HERC1: variants seen among roughly 807,000 people sequenced by gnomAD.
HERC1 encodes probable E3 ubiquitin-protein ligase HERC1.
HERC1 carries 160 observed loss-of-function variants against 554.3 expected under a neutral mutation model. That is an observed-to-expected ratio of 0.29 (90% CI 0.25 to 0.33). HERC1 has a LOEUF of 0.33. Among genes scored for constraint, HERC1 ranks in the 10% least tolerant of loss-of-function variants. The probability of loss-of-function intolerance (pLI) is 1.00; values close to 1 mark genes in which losing one functional copy is unlikely to be tolerated. For synonymous variants in HERC1, 2,175 were observed against 2,131.7 expected (o/e 1.02, Z -0.56); for missense variants, 4,919 against 5,918.5 (o/e 0.83, Z 5.54).
At chr15:63,631,750 AG>A (rs2152805101) in intron 68 of HERC1, among the ~76,000 whole-genome samples, 1 of 152,298 alleles carries the variant, frequency 6.6e-6, no homozygotes, top group East Asian at 1.9e-4. Context: ...CATGTTGGCC[AG>A]GCTGGTCTCA....
chr15:63,819,551 C>T (rs2145668603), intron 1 of HERC1, among the ~76,000 whole-genome samples: 1 of 152,236 alleles, frequency 6.6e-6, no homozygotes, highest in Non-Finnish European at 1.5e-5. Context: ...TTTTTAATAG[C>T]GAAGTCCAGT....
Position 63,749,248 on chromosome 15 carries a change from A to G in HERC1, c.2219+119T>C. On this transcript the variant is annotated intron_variant, in intron 10 of 77. Transcript: ENST00000443617. This position sits in a 1 kb window ranked among gnomAD's most constrained non-coding sequence, Gnocchi z 4.1. Reference sequence around the variant, plus strand: ...TGATAGAGAAAAAGCAATACTATATATGTTCAGAAGAGTATTTTATGAACA... The same window carrying G: ...TGATAGAGAAAAAGCAATACTATATGTGTTCAGAAGAGTATTTTATGAACA... 1 of 745,382 alleles carries G rather than the reference A, an allele frequency of 1.3e-6. No individual in the cohort carries two copies. Among genetic ancestry groups the G allele is most frequent in the Non-Finnish European group, 2.2e-6 (1 of 462,652 alleles). 46.2% of individuals were successfully genotyped at this position (745,382 alleles called of 1,614,324 possible). A position where few individuals can be genotyped will look rare whatever the true frequency, so the allele number is the denominator to read the frequency against.
intron 1 of HERC1, among the ~76,000 whole-genome samples, chr15:63,786,897 G>A (rs1293337239): frequency 6.6e-6 from 1 of 150,564 alleles, no homozygotes; most frequent in Non-Finnish European, 1.5e-5. Context: ...TACGTGATGT[G>A]AACTTCAACT....
intron 3 of HERC1, among the ~76,000 whole-genome samples, chr15:63,759,271 A>T (rs2075530768): frequency 6.6e-6 from 1 of 152,116 alleles, no homozygotes; most frequent in Non-Finnish European, 1.5e-5. Flanking sequence ...TTCTAAAAAC[A>T]GCGAAGGCAC....
At chr15:63,833,747 G>GCACACACACACACACACACACACACACA (rs1279912396) in intron 1 of HERC1, 80 bp downstream of exon 1, 2 of 117,736 alleles carry the variant, frequency 1.7e-5, no homozygotes, top group African/African-American at 8.2e-5. Context: ...GCACACACGC[G>GCACACACACACACACACACACACACACA]CGCGCGCACA....
chr15:63,727,008 T>C lies in HERC1; in HGVS notation c.3346+639A>G, dbSNP rs1439149792. On this transcript the variant is annotated intron_variant, in intron 17 of 77. Coordinates refer to ENST00000443617, the MANE Select transcript of HERC1 (RefSeq NM_003922.4). The surrounding 1 kb of genome is among the most constrained non-coding windows in gnomAD (Gnocchi z 4.3). ...AAAAGAATAAACTGGCCAGGGGCGG[T>C]GGCTCCCGTCTGTAATCCCAGCATT... 1.3e-5 allele frequency among the ~76,000 whole-genome samples: 2 copies of C among 152,148 alleles called. No homozygotes were observed. Among genetic ancestry groups the C allele is most frequent in the African/African-American group, 4.8e-5 (2 of 41,450 alleles).
intron 1 of HERC1, among the ~76,000 whole-genome samples, chr15:63,785,500 G>A (rs1416247222): frequency 6.6e-6 from 1 of 152,124 alleles, no homozygotes; most frequent in Non-Finnish European, 1.5e-5. Context: ...TGGGCACGCT[G>A]GCTAACACCT....
At chr15:63,826,299 T>C (rs1056863635) in intron 1 of HERC1, among the ~76,000 whole-genome samples, 1 of 152,176 alleles carries the variant, frequency 6.6e-6, no homozygotes, top group Admixed American at 6.5e-5. Context: ...CCCAGAACTT[T>C]AAACTCGCGG....
chr15:63,697,682 T>C (rs561616574), intron 26 of HERC1, among the ~76,000 whole-genome samples: 1 of 152,272 alleles, frequency 6.6e-6, no homozygotes, highest in African/African-American at 2.4e-5. Flanking sequence ...TTCAAACTCC[T>C]GATCTCAGGT....
At position 63,638,488 on chromosome 15, in the gene HERC1, T is replaced by C. The variant is rs761310341; in HGVS notation, c.12016A>G (p.Arg4006Gly). 1 of 1,613,906 alleles carries C rather than the reference T, an allele frequency of 6.2e-7. No homozygotes were observed. The highest frequency in any genetic ancestry group is 8.5e-7 in the Non-Finnish European group (1 of 1,179,782). The change falls in exon 63 of 78, where the codon AGG becomes GGG. Residue 4006 changes from arginine (R) to glycine (G), a missense_variant. By Grantham distance (125) the Arg-to-Gly change is moderately radical. Transcript: ENST00000443617. ...CCAGCTTCTGCCAGCTGTCCATGCC[T>C]ACCAGCACCCCATAAGTAGACATCA... ...KCDVYLWGAG[R>G]HGQLAEAGRN... is the part of the protein sequence containing the mutation.
At position 63,692,631 on chromosome 15, in the gene HERC1, A is replaced by G; in HGVS notation, c.5675-65T>C. The G allele has an allele frequency of 1.5e-6, 2 of 1,378,266 alleles. No homozygotes were observed. The highest frequency in any genetic ancestry group is 1.9e-4 in the Middle Eastern group (1 of 5,356). The allele number at this position is 1,378,266 out of a possible 1,614,324, so 85.4% of individuals were successfully genotyped here. A position where few individuals can be genotyped will look rare whatever the true frequency, so the allele number is the denominator to read the frequency against. Reference sequence around the variant, plus strand: ...AACAAGAAATAGTCTTATATCACATAATTTACCTTGAAACTGCAGTAAGCA... The same window carrying G: ...AACAAGAAATAGTCTTATATCACATGATTTACCTTGAAACTGCAGTAAGCA... On this transcript the variant is annotated intron_variant, in intron 30 of 77. Coordinates refer to ENST00000443617, the MANE Select transcript of HERC1 (RefSeq NM_003922.4). The surrounding 1 kb of genome is among the most constrained non-coding windows in gnomAD (Gnocchi z 4.7).
Position 63,672,655 on chromosome 15 carries a change from T to G in HERC1, c.7886A>C (p.Gln2629Pro). The change falls in exon 39 of 78, where the codon CAG becomes CCG. Residue 2629 changes from glutamine (Q) to proline (P), a missense_variant. This residue lies in a region of HERC1 where 1,963 missense variants were observed against 2,228.6 expected (regional missense o/e 0.88). Coordinates refer to ENST00000443617, the MANE Select transcript of HERC1 (RefSeq NM_003922.4). ...QQAEESDPAQ[Q>P]AQTPVTTSPS... is the part of the protein sequence containing the mutation. ...GCTAGTAGTAACTGGTGTCTGTGCCTGCTGGGCAGGGTCACTTTCTTCAGC... is the reference window on the plus strand; with the variant it reads ...GCTAGTAGTAACTGGTGTCTGTGCCGGCTGGGCAGGGTCACTTTCTTCAGC... 1 of 1,612,334 alleles carries G rather than the reference T, an allele frequency of 6.2e-7. No homozygotes were observed. The highest frequency in any genetic ancestry group is 8.5e-7 in the Non-Finnish European group (1 of 1,179,000).
intron 33 of HERC1, among the ~76,000 whole-genome samples, chr15:63,688,693 C>T (rs2071926192): frequency 6.6e-6 from 1 of 152,074 alleles, no homozygotes; most frequent in Admixed American, 6.5e-5. Context: ...AGAACCAGGA[C>T]AAGTGTGGAA....
At chr15:63,779,979 A>C (rs1327017940) in intron 1 of HERC1, 1 of 133,158 alleles carries the variant, frequency 7.5e-6, no homozygotes, top group Non-Finnish European at 1.5e-5. Flanking sequence ...ACAAGACTGC[A>C]CTCCAGCCTG....
chr15:63,678,841 C>T (rs1261335796), intron 36 of HERC1, among the ~76,000 whole-genome samples: 4 of 152,152 alleles, frequency 2.6e-5, no homozygotes, highest in African/African-American at 9.7e-5. Context: ...AACTTGGGTT[C>T]AAATCATAAC....
At chr15:63,730,821 A>G (rs8032655) in intron 14 of HERC1, among the ~76,000 whole-genome samples, 4,488 of 152,326 alleles carry the variant, frequency 0.029, 229 homozygotes, top group African/African-American at 0.1. Context: ...AATGATTCCT[A>G]TAACTCCTCT....
Position 63,651,388 on chromosome 15 carries a change from A to G in HERC1, c.10419-8T>C, listed in dbSNP as rs757415004. On this transcript the variant is annotated splice_polypyrimidine_tract_variant and splice_region_variant and intron_variant, in intron 52 of 77. Coordinates refer to ENST00000443617, the MANE Select transcript of HERC1 (RefSeq NM_003922.4). ...TCCTCAGCATCCCCTTCCCTAGAATATAACAGACAGATATGCAGTTCTAAT... is the reference window on the plus strand; with the variant it reads ...TCCTCAGCATCCCCTTCCCTAGAATGTAACAGACAGATATGCAGTTCTAAT... The G allele has an allele frequency of 6.8e-6, 11 of 1,610,346 alleles. No individual in the cohort carries two copies. Among genetic ancestry groups the G allele is most frequent in the Non-Finnish European group, 9.3e-6 (11 of 1,178,514 alleles).
At chr15:63,618,998 G>T (rs2152742312) in intron 74 of HERC1, among the ~76,000 whole-genome samples, 3 of 152,146 alleles carry the variant, frequency 2.0e-5, no homozygotes, top group African/African-American at 7.2e-5. Flanking sequence ...TCCTTCTCCT[G>T]CCTGATTGCC....
intron 51 of HERC1, 37 bp from the exon 52 acceptor site, chr15:63,652,578 A>G (rs748702274): frequency 7.5e-6 from 11 of 1,460,714 alleles, no homozygotes; most frequent in South Asian, 1.3e-5. Context: ...ATAATTTTCT[A>G]TTCAAATGAT....
Sources: allele counts gnomAD v4.1 joint callset (sites outside exome capture counted in the v4.1 genomes callset), GRCh38; gene constraint gnomAD v4.1.1; regional missense constraint gnomAD v4.1.1; non-coding constraint Gnocchi (gnomAD v3.1); transcripts MANE v1.5; gene names NCBI Gene and HGNC (gene_info 2026-07-23, HGNC 2026-07-21).